NRG3: variants seen among roughly 807,000 people sequenced by gnomAD.
NRG3 encodes neuregulin 3.
In NRG3, 31 loss-of-function variants were observed where a neutral mutation model predicts 66.9. The observed-to-expected ratio is 0.46, with a 90% CI of 0.35 to 0.63. The LOEUF is 0.63. Ranked by LOEUF, NRG3 falls within the 20% of genes least tolerant of loss-of-function variation. The pLI is 0.00. For synonymous variants in NRG3, 393 were observed against 359.4 expected, an observed-to-expected ratio of 1.09 and a Z score of -1.06; for missense variants, 910 against 878.9, an observed-to-expected ratio of 1.04 and a Z score of -0.45.
chr10:82,984,473 T>C (rs184661674), intron 8 of NRG3, among the ~76,000 whole-genome samples: 6 of 152,274 alleles, frequency 3.9e-5, no homozygotes, highest in Admixed American at 2.0e-4. Flanking sequence ...TAGCCTCCCA[T>C]TCCCACCGGC....
At chr10:82,012,444 G>C (rs1430570227) in intron 1 of NRG3, among the ~76,000 whole-genome samples, 1 of 152,202 alleles carries the variant, frequency 6.6e-6, no homozygotes, top group East Asian at 1.9e-4. Context: ...CCATTGTCTT[G>C]ACAATTAACA....
chr10:82,617,796 C>T (rs1196785710), intron 2 of NRG3, among the ~76,000 whole-genome samples: 1 of 152,116 alleles, frequency 6.6e-6, no homozygotes, highest in Admixed American at 6.6e-5. Context: ...AGAAAGTATC[C>T]CCAGGTCTTC....
At chr10:82,925,605 A>G (rs1376877867) in intron 4 of NRG3, among the ~76,000 whole-genome samples, 1 of 152,230 alleles carries the variant, frequency 6.6e-6, no homozygotes. Context: ...CTTAATTCCC[A>G]GTAGCAGAAA....
At chr10:82,545,814 G>T (rs1431816015) in intron 2 of NRG3, among the ~76,000 whole-genome samples, 1 of 119,704 alleles carries the variant, frequency 8.4e-6, no homozygotes, top group Non-Finnish European at 1.6e-5. Flanking sequence ...TTGAGATGGA[G>T]TCTGGCACTG....
intron 4 of NRG3, among the ~76,000 whole-genome samples, chr10:82,910,954 CTAT>C (rs766261791): frequency 2.1e-4 from 32 of 152,320 alleles, no homozygotes; most frequent in Non-Finnish European, 3.5e-4. Flanking sequence ...TGTTCAGTGA[CTAT>C]GTTTCAACCC....
rs184504168 is a variant in NRG3 at position 82,405,962 on chromosome 10, A to G, written c.953+47094A>G. Among the ~76,000 whole-genome samples the G allele has an allele frequency of 8.7e-4, 133 of 152,288 alleles. 2 individuals carry two copies. In the Middle Eastern group the frequency reaches 0.037, roughly 43 times the overall value. ...TTAGCTCTGGAATATGGTACATTAAAAACAATTTGCATTGCTCCATTGCTG... is the reference window on the plus strand; with the variant it reads ...TTAGCTCTGGAATATGGTACATTAAGAACAATTTGCATTGCTCCATTGCTG... On this transcript the variant is annotated intron_variant, in intron 2 of 8. Transcript: ENST00000372141.
At chr10:82,470,986 TG>T (rs1279123430) in intron 2 of NRG3, among the ~76,000 whole-genome samples, 1 of 152,158 alleles carries the variant, frequency 6.6e-6, no homozygotes, top group East Asian at 1.9e-4. Flanking sequence ...CTTTCTTTTT[TG>T]ATGGTCCCTG....
intron 4 of NRG3, among the ~76,000 whole-genome samples, chr10:82,908,908 C>A (rs953556246): frequency 4.7e-5 from 7 of 147,658 alleles, no homozygotes; most frequent in African/African-American, 1.7e-4. Context: ...TGAGTAGACA[C>A]CACGCCCTCA....
intron 2 of NRG3, among the ~76,000 whole-genome samples, chr10:82,458,264 T>C (rs2091360269): frequency 6.6e-6 from 1 of 152,238 alleles, no homozygotes; most frequent in Non-Finnish European, 1.5e-5. Flanking sequence ...TATAAGTTCC[T>C]TGGAGGACTG....
chr10:82,940,086 A>G (rs1213119090), intron 4 of NRG3, among the ~76,000 whole-genome samples: 1 of 152,160 alleles, frequency 6.6e-6, no homozygotes, highest in Admixed American at 6.5e-5. Context: ...TTTTGGTACA[A>G]GACCATGCAG....
intron 1 of NRG3, among the ~76,000 whole-genome samples, chr10:82,256,456 C>T (rs984649981): frequency 6.6e-6 from 1 of 152,110 alleles, no homozygotes; most frequent in African/African-American, 2.4e-5. Flanking sequence ...CTTCAGGTGT[C>T]ACGCTGGATG....
At chr10:82,113,573 A>G (rs531523917) in intron 1 of NRG3, among the ~76,000 whole-genome samples, 1 of 152,320 alleles carries the variant, frequency 6.6e-6, no homozygotes, top group African/African-American at 2.4e-5. Flanking sequence ...CAAGCAACTG[A>G]GAAGACCTGC....
At chr10:81,920,714 C>T (rs1311070233) in intron 1 of NRG3, among the ~76,000 whole-genome samples, 1 of 152,100 alleles carries the variant, frequency 6.6e-6, no homozygotes, top group Non-Finnish European at 1.5e-5. Flanking sequence ...TAGTAGTACA[C>T]GTCAGTAAGT....
In NRG3 at chr10:82,871,273, A is replaced by G. The variant is rs115045810; in HGVS notation, c.1054+5836A>G. Among the ~76,000 whole-genome samples, 104 of 119,204 alleles carry G rather than the reference A, an allele frequency of 8.7e-4. 1 individual carries two copies. The highest frequency in any genetic ancestry group is 3.8e-3 in the African/African-American group (98 of 26,102). 78.2% of individuals were successfully genotyped at this position (119,204 alleles called of 152,430 possible). A position where few individuals can be genotyped will look rare whatever the true frequency, so the allele number is the denominator to read the frequency against. ...TCTGAGTTCTTTGTTCTGTTCCATT[A>G]AACTATTTGTCTTTTTTTTTTTTGC... is the stretch of plus-strand genomic sequence containing the variant. On this transcript the variant is annotated intron_variant, in intron 4 of 8. Coordinates refer to ENST00000372141, the MANE Select transcript of NRG3 (RefSeq NM_001010848.4).
In NRG3 at chr10:81,943,790, T is replaced by G. The variant is rs79118147; in HGVS notation, c.823+67627T>G. Among the ~76,000 whole-genome samples, 209 of 152,334 alleles carry G rather than the reference T, an allele frequency of 1.4e-3. 3 individuals are homozygous for G. In the East Asian group the frequency reaches 0.028, roughly 20 times the overall value. ...GTATCTCTTACCATTACAATCGTGG[T>G]GCTTTATACTGTAGTTAAGGTACAT... On this transcript the variant is annotated intron_variant, in intron 1 of 8. Transcript: ENST00000372141.
intron 1 of NRG3, among the ~76,000 whole-genome samples, chr10:81,938,077 G>A (rs1429616005): frequency 6.6e-6 from 1 of 152,028 alleles, no homozygotes; most frequent in Non-Finnish European, 1.5e-5. Flanking sequence ...TTTCTGGGCT[G>A]TTTCATTCTA....
At chr10:82,241,610 G>A (rs887562596) in intron 1 of NRG3, among the ~76,000 whole-genome samples, 4 of 152,028 alleles carry the variant, frequency 2.6e-5, no homozygotes, top group African/African-American at 7.2e-5. Context: ...GTGTAAGTCC[G>A]TATTTCTTTA....
At chr10:82,112,428 C>A (rs758230921) in intron 1 of NRG3, among the ~76,000 whole-genome samples, 49 of 152,146 alleles carry the variant, frequency 3.2e-4, no homozygotes, top group Non-Finnish European at 1.6e-4. Flanking sequence ...AGGAATCAAA[C>A]AGAAAATGTT....
At chr10:82,764,063 G>T (rs1591449498) in intron 3 of NRG3, among the ~76,000 whole-genome samples, 1 of 151,844 alleles carries the variant, frequency 6.6e-6, no homozygotes, top group East Asian at 1.9e-4. Flanking sequence ...TTTTGAGACA[G>T]AGTCTCAGTC....
Sources: allele counts gnomAD v4.1 joint callset (sites outside exome capture counted in the v4.1 genomes callset), GRCh38; gene constraint gnomAD v4.1.1; transcripts MANE v1.5; gene names NCBI Gene and HGNC (gene_info 2026-07-23, HGNC 2026-07-21).